The following EDRF1 variants were observed in gnomAD, a reference collection of about 807,000 sequenced individuals.
EDRF1 encodes the protein erythroid differentiation-related factor 1.
Under a neutral mutation model 148.7 loss-of-function variants are expected in EDRF1, and 69 were observed. The observed-to-expected ratio is 0.46, with a 90% CI of 0.38 to 0.57. The LOEUF is 0.57. Ranked by LOEUF, EDRF1 falls within the 20% of genes least tolerant of loss-of-function variation. The pLI, the probability that EDRF1 is intolerant of heterozygous loss-of-function variation, is 0.00. For missense variants in EDRF1, 1,118 were observed against 1,478.7 expected (o/e 0.76, Z 4.00); for synonymous variants, 515 against 532.8 (o/e 0.97, Z 0.46).
chr10:125,736,182 T>C (rs561194062), intron 13 of EDRF1, among the ~76,000 whole-genome samples: 1 of 152,320 alleles, frequency 6.6e-6, no homozygotes, highest in South Asian at 2.1e-4. Context: ...GTAGTCATAG[T>C]CATGTCTCAT....
At chr10:125,722,132 T>C (rs1361362983) in intron 2 of EDRF1, among the ~76,000 whole-genome samples, 2 of 152,236 alleles carry the variant, frequency 1.3e-5, no homozygotes, top group African/African-American at 4.8e-5. Flanking sequence ...GCTGTTTGTT[T>C]GTAGCATCAT....
chr10:125,741,681 TTTTTA>T (rs1429199002), intron 17 of EDRF1: 2 of 167,570 alleles, frequency 1.2e-5, no homozygotes, highest in Non-Finnish European at 2.6e-5. Context: ...TTGTGTCAAC[TTTTTA>T]TTTTATTTTA....
intron 24 of EDRF1, among the ~76,000 whole-genome samples, chr10:125,761,684 G>A (rs374679540): frequency 2.0e-5 from 3 of 152,224 alleles, no homozygotes; most frequent in Non-Finnish European, 4.4e-5. Context: ...TAAGGAAGGC[G>A]TGATTTGTAG....
intron 2 of EDRF1, 53 bp downstream of exon 2, chr10:125,721,465 T>G: frequency 6.6e-7 from 1 of 1,521,724 alleles, no homozygotes; most frequent in Non-Finnish European, 9.1e-7. Flanking sequence ...CACTTAAAAC[T>G]CTTATTTGCT....
At chr10:125,749,917 G>GT in intron 22 of EDRF1, 8 of 345,094 alleles carry the variant, frequency 2.3e-5, no homozygotes, top group Non-Finnish European at 3.9e-5. Context: ...GAGGCAGGCA[G>GT]ATCACCTGAG....
intron 15 of EDRF1, 100 bp from the exon 16 acceptor site, chr10:125,740,363 A>G: frequency 8.3e-7 from 1 of 1,204,420 alleles, no homozygotes; most frequent in Non-Finnish European, 1.2e-6. Context: ...TTGTCACCTA[A>G]GTCTAGAGTG....
rs200114330 is a variant in EDRF1, at chr10:125,733,694, G to C, written c.1336G>C (p.Asp446His). 40 of 1,613,408 alleles carry C rather than the reference G, an allele frequency of 2.5e-5. No homozygotes were observed. Among genetic ancestry groups the C allele is most frequent in the Non-Finnish European group, 3.4e-5 (40 of 1,179,578 alleles). Residue 446 changes from aspartate (D) to histidine (H), a missense_variant, in exon 11 of 25, where the codon GAC becomes CAC. Physicochemically the swap from Asp to His is moderately conservative, Grantham distance 81. Coordinates refer to ENST00000356792, the MANE Select transcript of EDRF1 (RefSeq NM_001202438.2). ...DLTTLCEETE[D>H]KYQNPFTMPV... ...CACTACTCTTTGTGAAGAAACTGAA[G>C]ACAAATACCAAAATCCATTCACAAT... is the stretch of plus-strand genomic sequence containing the variant.
chr10:125,752,997 G>C, intron 23 of EDRF1, 83 bp downstream of exon 23: 1 of 944,444 alleles, frequency 1.1e-6, no homozygotes, highest in Non-Finnish European at 1.7e-6. Flanking sequence ...GTGTGTGTAT[G>C]TGTGTGGGTA....
chr10:125,729,308 G>T, intron 7 of EDRF1, 50 bp from the exon 8 acceptor site: 2 of 1,603,250 alleles, frequency 1.2e-6, no homozygotes, highest in Non-Finnish European at 1.7e-6. Flanking sequence ...ATCATGGGGG[G>T]AAATTACAGA....
At chr10:125,736,144 A>C (rs1848717890) in intron 13 of EDRF1, among the ~76,000 whole-genome samples, 1 of 152,158 alleles carries the variant, frequency 6.6e-6, no homozygotes, top group African/African-American at 2.4e-5. Flanking sequence ...TTCTTATGTG[A>C]AGGATTTTCC....
chr10:125,755,830 C>T (rs1053112783), intron 24 of EDRF1, among the ~76,000 whole-genome samples: 1 of 151,870 alleles, frequency 6.6e-6, no homozygotes, highest in Admixed American at 6.6e-5. Context: ...ATTGGTAATC[C>T]TTCTGTTTTT....
chr10:125,759,392 GC>G (rs1339716378), intron 24 of EDRF1, among the ~76,000 whole-genome samples: 2 of 152,178 alleles, frequency 1.3e-5, no homozygotes, highest in Non-Finnish European at 2.9e-5. Flanking sequence ...TTTAAGAAGA[GC>G]CATGACCTTG....
At chr10:125,762,983 G>T (rs1850256944) in intron 24 of EDRF1, among the ~76,000 whole-genome samples, 1 of 152,054 alleles carries the variant, frequency 6.6e-6, no homozygotes, top group East Asian at 1.9e-4. Context: ...ACCTCAATAG[G>T]ATGCAAATTC....
chr10:125,732,571 C>T (rs1848528524), intron 9 of EDRF1, among the ~76,000 whole-genome samples: 1 of 151,846 alleles, frequency 6.6e-6, no homozygotes, highest in Non-Finnish European at 1.5e-5. Flanking sequence ...AATAGAAGGG[C>T]ATTTAGAGAG....
chr10:125,719,843 G>A lies in EDRF1; in HGVS notation c.36G>A (p.Pro12=). Residue 12 remains proline, a synonymous_variant, in exon 1 of 25, where the codon CCG becomes CCA. Coordinates refer to ENST00000356792, the MANE Select transcript of EDRF1 (RefSeq NM_001202438.2). ...GDAKEAGAEG[P]PAGAAARGGL... ...CCAAGGAGGCCGGAGCCGAGGGTCC[G>A]CCGGCCGGGGCCGCCGCTCGAGGAG... is the stretch of plus-strand genomic sequence containing the variant. The A allele has an allele frequency of 6.2e-7, 1 of 1,612,002 alleles. No homozygotes were observed. The highest frequency in any genetic ancestry group is 8.5e-7 in the Non-Finnish European group (1 of 1,179,498).
chr10:125,721,749 G>A (rs931593294), intron 2 of EDRF1, among the ~76,000 whole-genome samples: 1 of 152,228 alleles, frequency 6.6e-6, no homozygotes, highest in Non-Finnish European at 1.5e-5. Context: ...GGTGCATGAG[G>A]AGGAAAACCT....
At chr10:125,722,907 A>C (rs1276776638) in intron 2 of EDRF1, among the ~76,000 whole-genome samples, 161 bp from the exon 3 acceptor site, 2 of 152,186 alleles carry the variant, frequency 1.3e-5, no homozygotes. Flanking sequence ...AAGAAAAAAA[A>C]ACTTGCCAAC....
chr10:125,721,068 ATTAAG>A, intron 1 of EDRF1, 131 bp from the exon 2 acceptor site: 1 of 815,418 alleles, frequency 1.2e-6, no homozygotes, highest in Non-Finnish European at 2.1e-6. Flanking sequence ...GCTCAAATTT[ATTAAG>A]TGCTGTTAGT....
At chr10:125,729,621 A>C (rs1848409384) in intron 8 of EDRF1, 142 bp downstream of exon 8, 5 of 1,119,852 alleles carry the variant, frequency 4.5e-6, no homozygotes, top group Non-Finnish European at 1.3e-6. Context: ...GACTCGTCTC[A>C]AAAAAGAATC....
Sources: gnomAD v4.1 joint callset for allele counts (sites outside exome capture counted in the v4.1 genomes callset) on GRCh38, gnomAD v4.1.1 for gene constraint, MANE v1.5 for transcripts, NCBI Gene and HGNC (gene_info 2026-07-23, HGNC 2026-07-21) for gene names.